Variants in SDK1 observed in about 807,000 individuals in gnomAD.
SDK1 encodes the protein sidekick cell adhesion molecule 1, also known as protein sidekick-1.
SDK1 carries 157 observed loss-of-function variants against 245.5 expected under a neutral mutation model. The ratio of observed to expected loss-of-function variants is 0.64; its 90% confidence interval spans 0.56 to 0.73. SDK1 has a LOEUF of 0.73. SDK1 is among the 30% of genes least tolerant of loss of function. The pLI is 0.00. For synonymous variants in SDK1, 1,647 were observed against 1,278.5 expected, an observed-to-expected ratio of 1.29 and a Z score of -6.15; for missense variants, 3,583 against 3,002.3, an observed-to-expected ratio of 1.19 and a Z score of -4.52.
intron 5 of SDK1, among the ~76,000 whole-genome samples, chr7:3,889,434 C>T (rs952098008): frequency 1.3e-5 from 2 of 152,088 alleles, no homozygotes; most frequent in African/African-American, 2.4e-5. Context: ...GCAGCTGTAG[C>T]TGCATTGGAA....
At position 3,356,537 on chromosome 7, in the gene SDK1, T is replaced by C. The variant is rs187022553; in HGVS notation, c.298+54653T>C. Reference sequence around the variant, plus strand: ...TTTATTTTTGCTTACCATTGGATTTTAGTTTTCTCTTTCCAATGTTTATTT... The same window carrying C: ...TTTATTTTTGCTTACCATTGGATTTCAGTTTTCTCTTTCCAATGTTTATTT... On this transcript the variant is annotated intron_variant, in intron 1 of 44. Transcript: ENST00000404826. 6.3e-3 allele frequency among the ~76,000 whole-genome samples: 964 copies of C among 152,272 alleles called. 9 individuals are homozygous for C. Among genetic ancestry groups the C allele is most frequent in the South Asian group, 0.018 (85 of 4,822 alleles).
chr7:3,650,086 A>G (rs903745066), intron 4 of SDK1, among the ~76,000 whole-genome samples: 2 of 151,572 alleles, frequency 1.3e-5, no homozygotes, highest in African/African-American at 4.8e-5. Context: ...GTCTCACTTT[A>G]TCATCCAGGC....
chr7:4,061,903 A>G (rs866136262), intron 19 of SDK1, among the ~76,000 whole-genome samples: 2 of 144,688 alleles, frequency 1.4e-5, no homozygotes, highest in African/African-American at 2.6e-5. Flanking sequence ...AACACGGCAT[A>G]TTCTCACTCA....
chr7:3,536,379 T>C (rs1052981835), intron 1 of SDK1, among the ~76,000 whole-genome samples: 3 of 152,074 alleles, frequency 2.0e-5, no homozygotes, highest in Non-Finnish European at 2.9e-5. Context: ...AGCAGAATAA[T>C]TTTTTAAAAA....
At chr7:3,893,580 G>A (rs1321513403) in intron 5 of SDK1, among the ~76,000 whole-genome samples, 1 of 151,898 alleles carries the variant, frequency 6.6e-6, no homozygotes, top group African/African-American at 2.4e-5. Context: ...TTCTGTAGAT[G>A]TCAAGCTTTC....
At chr7:3,793,798 A>G (rs1307257364) in intron 4 of SDK1, among the ~76,000 whole-genome samples, 1 of 151,752 alleles carries the variant, frequency 6.6e-6, no homozygotes, top group African/African-American at 2.4e-5. Context: ...AAGGGAGTGG[A>G]CTTATGCAGG....
chr7:3,665,699 A>G (rs1169179628), intron 4 of SDK1, among the ~76,000 whole-genome samples: 1 of 152,146 alleles, frequency 6.6e-6, no homozygotes, highest in Non-Finnish European at 1.5e-5. Flanking sequence ...CGTGCCATTC[A>G]TTGAGCATTG....
intron 1 of SDK1, among the ~76,000 whole-genome samples, chr7:3,550,847 A>G (rs1484838867): frequency 6.6e-6 from 1 of 152,170 alleles, no homozygotes; most frequent in Admixed American, 6.5e-5. Context: ...TTTTTACTGT[A>G]TTCAAGATTA....
At chr7:3,403,829 A>ATT (rs1255938379) in intron 1 of SDK1, among the ~76,000 whole-genome samples, 1 of 24,556 alleles carries the variant, frequency 4.1e-5, no homozygotes, top group Non-Finnish European at 6.8e-5. Context: ...TCTTACATAT[A>ATT]TATATATATA....
At chr7:4,232,490 C>G (rs1785859339) in intron 40 of SDK1, among the ~76,000 whole-genome samples, 1 of 138,918 alleles carries the variant, frequency 7.2e-6, no homozygotes, top group African/African-American at 2.7e-5. Context: ...TAGAGTCTCA[C>G]TCTGTTACCC....
intron 1 of SDK1, among the ~76,000 whole-genome samples, chr7:3,395,639 G>A (rs1055226367): frequency 4.0e-5 from 6 of 151,838 alleles, no homozygotes; most frequent in African/African-American, 1.4e-4. Context: ...TTCTTTGTGG[G>A]AACATATTTT....
chr7:4,157,095 G>A (rs1447864001), intron 30 of SDK1, among the ~76,000 whole-genome samples: 1 of 152,130 alleles, frequency 6.6e-6, no homozygotes. Context: ...AGAGGAACCA[G>A]CCAGTGACTG....
intron 7 of SDK1, among the ~76,000 whole-genome samples, chr7:3,954,696 A>G (rs1043886789): frequency 6.9e-6 from 1 of 144,516 alleles, no homozygotes; most frequent in Admixed American, 7.0e-5. Context: ...TGCACCATTC[A>G]TGGGCTTGAA....
At chr7:3,974,183 C>CAA (rs10630472) in intron 12 of SDK1, among the ~76,000 whole-genome samples, 186 bp from the exon 13 acceptor site, 36,065 of 103,838 alleles carry the variant, frequency 0.35, 5,779 homozygotes, top group Middle Eastern at 0.44. Flanking sequence ...GACTCTGTCT[C>CAA]AAAAAAAAAA....
intron 1 of SDK1, among the ~76,000 whole-genome samples, chr7:3,439,511 A>G (rs1172066387): frequency 6.6e-6 from 1 of 152,174 alleles, no homozygotes; most frequent in Non-Finnish European, 1.5e-5. Flanking sequence ...GCCAAGAAGC[A>G]TAAGCTAAAT....
chr7:3,968,759 T>C (rs1782262165), intron 10 of SDK1, among the ~76,000 whole-genome samples: 1 of 152,250 alleles, frequency 6.6e-6, no homozygotes, highest in African/African-American at 2.4e-5. Context: ...CTGCTTCAGT[T>C]ATTTCTTTTC....
chr7:4,194,322 A>C (rs938643421), intron 35 of SDK1, among the ~76,000 whole-genome samples: 1 of 139,480 alleles, frequency 7.2e-6, no homozygotes, highest in African/African-American at 2.9e-5. Context: ...ACATATATGT[A>C]TGCACGTATG....
intron 1 of SDK1, among the ~76,000 whole-genome samples, chr7:3,439,068 G>C (rs573566909): frequency 2.1e-4 from 32 of 151,926 alleles, no homozygotes; most frequent in African/African-American, 7.7e-4. Flanking sequence ...GGCCAGGCTG[G>C]TCTCAAACTC....
intron 25 of SDK1, among the ~76,000 whole-genome samples, chr7:4,123,110 C>G (rs58710107): frequency 0.082 from 12,530 of 152,166 alleles, 805 homozygotes; most frequent in African/African-American, 0.17. Context: ...AGAAAAACAG[C>G]TGTGATTTGT....
Sources: allele counts gnomAD v4.1 joint callset (sites outside exome capture counted in the v4.1 genomes callset), GRCh38; gene constraint gnomAD v4.1.1; transcripts MANE v1.5; gene names NCBI Gene and HGNC (gene_info 2026-07-23, HGNC 2026-07-21).